Variants in MACROD2 observed in about 807,000 individuals in gnomAD.
The protein encoded by MACROD2 is mono-ADP ribosylhydrolase 2.
In MACROD2, 36 loss-of-function variants were observed where a neutral mutation model predicts 70.4. The ratio of observed to expected loss-of-function variants is 0.51; its 90% CI spans 0.39 to 0.68. The LOEUF (loss-of-function observed/expected upper bound fraction) is 0.68, where lower values mean the gene tolerates loss of function less well. MACROD2 is among the 30% of genes least tolerant of loss of function. The pLI is 0.00. For synonymous variants in MACROD2, 172 were observed against 178.8 expected (o/e 0.96, Z 0.30); for missense variants, 496 against 538.4 (o/e 0.92, Z 0.78).
chr20:14,149,354 G>C (rs1038131162), intron 3 of MACROD2, among the ~76,000 whole-genome samples: 3 of 152,076 alleles, frequency 2.0e-5, no homozygotes, highest in African/African-American at 7.2e-5. Flanking sequence ...TGGACACACA[G>C]TATTCCATGG....
At chr20:15,913,102 T>C (rs6034326) in intron 10 of MACROD2, among the ~76,000 whole-genome samples, 20,758 of 152,102 alleles carry the variant, frequency 0.14, 1,566 homozygotes, top group South Asian at 0.28. Context: ...AAAAAAACCA[T>C]TCATAATGTT....
chr20:15,125,925 A>G (rs1284721044), intron 5 of MACROD2, among the ~76,000 whole-genome samples: 1 of 113,202 alleles, frequency 8.8e-6, no homozygotes, highest in African/African-American at 2.6e-5. Flanking sequence ...TCATATAAAT[A>G]CAGTCCTACA....
chr20:15,101,550 C>CAAAAAAAAAAA (rs1555782811), intron 5 of MACROD2, among the ~76,000 whole-genome samples: 3 of 16,556 alleles, frequency 1.8e-4, no homozygotes. Context: ...AAAAAAAAAG[C>CAAAAAAAAAAA]ATTCTGGAGT....
At chr20:14,863,376 A>C (rs1201283391) in intron 5 of MACROD2, among the ~76,000 whole-genome samples, 2 of 152,114 alleles carry the variant, frequency 1.3e-5, no homozygotes, top group Non-Finnish European at 2.9e-5. Context: ...TAAAGCTCCA[A>C]GGGGTAAAGG....
intron 7 of MACROD2, among the ~76,000 whole-genome samples, chr20:15,490,119 C>T (rs117677430): frequency 0.011 from 1,649 of 148,150 alleles, 15 homozygotes; most frequent in Middle Eastern, 0.014. Flanking sequence ...ATACTTTGCA[C>T]ACCTCTTGGC....
intron 5 of MACROD2, among the ~76,000 whole-genome samples, chr20:15,188,144 A>G (rs1365680613): frequency 6.6e-6 from 1 of 152,202 alleles, no homozygotes; most frequent in Non-Finnish European, 1.5e-5. Flanking sequence ...ACTTTCTCAT[A>G]TAAATTATTC....
At chr20:14,191,200 T>C (rs566480289) in intron 3 of MACROD2, among the ~76,000 whole-genome samples, 2 of 152,296 alleles carry the variant, frequency 1.3e-5, no homozygotes, top group African/African-American at 2.4e-5. Flanking sequence ...CCATATTTTT[T>C]ACTCCTGTTG....
intron 3 of MACROD2, among the ~76,000 whole-genome samples, chr20:14,261,324 A>T (rs934135909): frequency 2.0e-5 from 3 of 151,580 alleles, no homozygotes; most frequent in African/African-American, 7.2e-5. Flanking sequence ...GTTAGTAACA[A>T]AATCCCTTTT....
At chr20:14,250,767 CAAT>C (rs1019160271) in intron 3 of MACROD2, among the ~76,000 whole-genome samples, 6 of 151,886 alleles carry the variant, frequency 4.0e-5, no homozygotes, top group Admixed American at 3.3e-4. Flanking sequence ...ACAGTAATGA[CAAT>C]AATAATAATA....
chr20:14,862,691 ATATATATAAATAT>A (rs2073382781), intron 5 of MACROD2, among the ~76,000 whole-genome samples: 7 of 70,932 alleles, frequency 9.9e-5, no homozygotes, highest in African/African-American at 4.0e-4. Flanking sequence ...ATATATATAA[ATATATATAAATAT>A]ATATATATAT....
intron 2 of MACROD2, among the ~76,000 whole-genome samples, chr20:14,006,406 C>T (rs1234721943): frequency 6.6e-6 from 1 of 152,140 alleles, no homozygotes; most frequent in African/African-American, 2.4e-5. Context: ...AATGAAATCA[C>T]ATATGTCATA....
chr20:15,375,683 A>T (rs186211303), intron 6 of MACROD2, among the ~76,000 whole-genome samples: 382 of 152,290 alleles, frequency 2.5e-3, no homozygotes, highest in Middle Eastern at 6.8e-3. Flanking sequence ...AAGAAAAAAA[A>T]TCTGACTTGC....
chr20:15,227,833 T>TTGG (rs1555794550), intron 5 of MACROD2, among the ~76,000 whole-genome samples: 1 of 97,394 alleles, frequency 1.0e-5, no homozygotes, highest in Non-Finnish European at 2.1e-5. Flanking sequence ...GTTTTTTTTT[T>TTGG]TTTTTTTTTT....
chr20:15,443,867 A>AT (rs1162576853), intron 7 of MACROD2, among the ~76,000 whole-genome samples: 1 of 152,056 alleles, frequency 6.6e-6, no homozygotes, highest in African/African-American at 2.4e-5. Context: ...CCTGGTTTCT[A>AT]TTTTTTTACT....
intron 5 of MACROD2, among the ~76,000 whole-genome samples, chr20:15,080,493 C>G (rs923388284): frequency 6.6e-6 from 1 of 152,126 alleles, no homozygotes; most frequent in Non-Finnish European, 1.5e-5. Context: ...ACTTTATTAG[C>G]TCCTTCCTCC....
chr20:16,025,216 G>A (rs1468858524), intron 15 of MACROD2, among the ~76,000 whole-genome samples: 1 of 152,146 alleles, frequency 6.6e-6, no homozygotes, highest in African/African-American at 2.4e-5. Context: ...AAGCAGCTGT[G>A]GGCCCATTAT....
At chr20:15,857,197 C>T (rs927391998) in intron 8 of MACROD2, among the ~76,000 whole-genome samples, 9 of 152,126 alleles carry the variant, frequency 5.9e-5, no homozygotes, top group Admixed American at 3.9e-4. Flanking sequence ...AGCTTCTAAC[C>T]GGGGCCCATG....
chr20:14,862,088 T>TATTTATAC (rs1316901820), intron 5 of MACROD2, among the ~76,000 whole-genome samples: 1 of 41,182 alleles, frequency 2.4e-5, no homozygotes, highest in African/African-American at 1.2e-4. Flanking sequence ...TATAAATATA[T>TATTTATAC]ATAAATATAT....
intron 4 of MACROD2, among the ~76,000 whole-genome samples, chr20:14,562,503 G>T (rs117733069): frequency 0.012 from 1,236 of 102,130 alleles, 11 homozygotes; most frequent in Middle Eastern, 0.1. Flanking sequence ...AGTAACACTT[G>T]ACAGCAAAAG....
Sources: allele counts gnomAD v4.1 joint callset (sites outside exome capture counted in the v4.1 genomes callset), GRCh38; gene constraint gnomAD v4.1.1; transcripts MANE v1.5; gene names NCBI Gene and HGNC (gene_info 2026-07-23, HGNC 2026-07-21).